Variants in PRAG1 observed in about 807,000 individuals in gnomAD.
PRAG1 encodes inactive tyrosine-protein kinase PRAG1.
A neutral mutation model predicts 95.6 loss-of-function variants in PRAG1; 110 were observed. The observed-to-expected ratio is 1.15, with a 90% CI of 0.99 to 1.35. PRAG1 has a LOEUF of 1.35. PRAG1 is among the 40% of genes most tolerant of loss of function. The probability of loss-of-function intolerance (pLI) is 0.00; values close to 1 mark genes in which losing one functional copy is unlikely to be tolerated. For synonymous variants in PRAG1, 1,052 were observed against 819.4 expected (o/e 1.28, Z -4.85); for missense variants, 2,554 against 1,864.7 (o/e 1.37, Z -6.81).
chr8:8,371,404 G>A (rs892836465), intron 3 of PRAG1, among the ~76,000 whole-genome samples: 1 of 151,838 alleles, frequency 6.6e-6, no homozygotes, highest in East Asian at 2.0e-4. Flanking sequence ...GGGACTACTG[G>A]CGCCCGCCAT....
At chr8:8,352,872 G>T (rs1304797233) in intron 3 of PRAG1, among the ~76,000 whole-genome samples, 1 of 152,144 alleles carries the variant, frequency 6.6e-6, no homozygotes, top group Non-Finnish European at 1.5e-5. Context: ...AGGGAAGGAA[G>T]AAGATATTCC....
intron 3 of PRAG1, among the ~76,000 whole-genome samples, chr8:8,373,921 A>G (rs577468898): frequency 6.6e-6 from 1 of 152,298 alleles, no homozygotes; most frequent in African/African-American, 2.4e-5. Flanking sequence ...TTAAAACCCT[A>G]CCTGAGTCAT....
chr8:8,332,038 C>T lies in PRAG1; in HGVS notation c.2321-3577G>A, dbSNP rs1022331821. ...GCTAGCACTGCATACCCAAACATTC[C>T]CTATCCACGCCCTTGCCCAGCAGAA... On this transcript the variant is annotated intron_variant, in intron 4 of 5. Coordinates refer to ENST00000615670, the MANE Select transcript of PRAG1 (RefSeq NM_001080826.3). Among the ~76,000 whole-genome samples, 17 of 152,172 alleles carry T rather than the reference C, an allele frequency of 1.1e-4. 1 individual carries two copies. Among genetic ancestry groups the T allele is most frequent in the South Asian group, 4.1e-4 (2 of 4,830 alleles).
At chr8:8,374,278 G>A (rs1410039527) in intron 3 of PRAG1, among the ~76,000 whole-genome samples, 2 of 152,290 alleles carry the variant, frequency 1.3e-5, no homozygotes, top group East Asian at 3.9e-4. Flanking sequence ...GCTTATACAA[G>A]GTCACTCCAT....
rs150203055 is a variant in PRAG1, at chr8:8,336,613, A to C, written c.2320+2865T>G. 9.6e-3 allele frequency among the ~76,000 whole-genome samples: 1,467 copies of C among 152,338 alleles called. 16 individuals carry two copies. The highest frequency in any genetic ancestry group is 0.011 in the Non-Finnish European group (758 of 68,032). The stretch of plus-strand genomic sequence containing the variant: ...TACAAAAGTGGCATTTTGCCACTGT[A>C]ACATTTAGAATAAGCACCTGTTTTA... On this transcript the variant is annotated intron_variant, in intron 4 of 5. Transcript: ENST00000615670.
intron 3 of PRAG1, among the ~76,000 whole-genome samples, chr8:8,372,499 T>G (rs1470765294): frequency 6.6e-6 from 1 of 152,212 alleles, no homozygotes; most frequent in East Asian, 1.9e-4. Flanking sequence ...AGTGTGACTT[T>G]GTGGGTATAA....
chr8:8,327,061 C>G (rs961946128), intron 5 of PRAG1, among the ~76,000 whole-genome samples: 1 of 152,170 alleles, frequency 6.6e-6, no homozygotes, highest in Admixed American at 6.5e-5. Flanking sequence ...TATATTCACA[C>G]CTACATACTC....
At chr8:8,381,204 G>A (rs1473028137) in intron 2 of PRAG1, among the ~76,000 whole-genome samples, 1 of 152,164 alleles carries the variant, frequency 6.6e-6, no homozygotes, top group South Asian at 2.1e-4. Context: ...AGGAAATTCT[G>A]GGGGACTGGA....
intron 3 of PRAG1, among the ~76,000 whole-genome samples, chr8:8,363,546 T>C (rs1470611513): frequency 6.6e-6 from 1 of 152,180 alleles, no homozygotes; most frequent in African/African-American, 2.4e-5. Context: ...TAATGGTGGT[T>C]CCCAGAGGCT....
intron 5 of PRAG1, among the ~76,000 whole-genome samples, chr8:8,320,409 C>A (rs554910306): frequency 6.6e-6 from 1 of 152,286 alleles, no homozygotes; most frequent in Non-Finnish European, 1.5e-5. Context: ...TCCTCCATTT[C>A]TTCTTGTACA....
intron 3 of PRAG1, 107 bp from the exon 4 acceptor site, chr8:8,339,742 A>G: frequency 1.8e-6 from 2 of 1,110,730 alleles, no homozygotes; most frequent in Non-Finnish European, 2.5e-6. Context: ...GGCCAATGTC[A>G]GCAAGTTTAT....
At position 8,318,491 on chromosome 8, in the gene PRAG1, A is replaced by C; in HGVS notation, c.3884T>G (p.Leu1295Arg). The C allele has an allele frequency of 6.2e-7, 1 of 1,612,442 alleles. No individual in the cohort carries two copies. The highest frequency in any genetic ancestry group is 1.1e-5 in the South Asian group (1 of 91,044). ...EDLPPLPALSLYSPGLQQLAH... is the reference protein window; with the variant it reads ...EDLPPLPALSRYSPGLQQLAH... ...CAGCTGCTGCAGGCCGGGTGAGTAG[A>C]GGGACAGCGCGGGCAGCGGCGGCAG... Residue 1295 changes from leucine to arginine, a missense_variant, in exon 6 of 6, where the codon CTC becomes CGC. Coordinates refer to ENST00000615670, the MANE Select transcript of PRAG1 (RefSeq NM_001080826.3). The surrounding 1 kb of genome is among the most constrained non-coding windows in gnomAD (Gnocchi z 4.2).
chr8:8,376,041 A>G (rs897805600), intron 3 of PRAG1, among the ~76,000 whole-genome samples: 2 of 152,146 alleles, frequency 1.3e-5, no homozygotes, highest in Non-Finnish European at 2.9e-5. Context: ...AGGGACCACA[A>G]GTAGGTTTGT....
chr8:8,346,012 A>G (rs1006675089), intron 3 of PRAG1, among the ~76,000 whole-genome samples: 4 of 152,218 alleles, frequency 2.6e-5, no homozygotes, highest in African/African-American at 9.6e-5. Flanking sequence ...CACTGTGTGT[A>G]AAATAGACTT....
At chr8:8,364,784 T>C (rs542566364) in intron 3 of PRAG1, among the ~76,000 whole-genome samples, 1 of 152,264 alleles carries the variant, frequency 6.6e-6, no homozygotes, top group Non-Finnish European at 1.5e-5. Context: ...GTCTTCAATA[T>C]TTAGCGATCA....
intron 3 of PRAG1, among the ~76,000 whole-genome samples, chr8:8,362,621 A>G (rs1799878357): frequency 6.6e-6 from 1 of 152,216 alleles, no homozygotes; most frequent in Admixed American, 6.5e-5. Context: ...AAACTGTTGG[A>G]AATAAATGCT....
rs765994600 is a variant in PRAG1 at position 8,328,073 on chromosome 8, G to C, written c.2709C>G (p.Gly903=). 1.2e-6 allele frequency: 2 copies of C among 1,603,674 alleles called. No homozygotes were observed. Among genetic ancestry groups the C allele is most frequent in the Non-Finnish European group, 1.7e-6 (2 of 1,173,692 alleles). Residue 903 remains glycine, a synonymous_variant, in exon 5 of 6, where the codon GGC becomes GGG. Coordinates refer to ENST00000615670, the MANE Select transcript of PRAG1 (RefSeq NM_001080826.3). ...LPAAGLAGNR[G]GCGSPGLQCK... is the part of the protein sequence containing the mutation. ...ACTGGAGGCCAGGGCTCCCGCAGCC[G>C]CCTCTGTTGCCCGCCAGCCCTGCTG...
At chr8:8,366,542 G>A (rs971929270) in intron 3 of PRAG1, among the ~76,000 whole-genome samples, 1 of 152,084 alleles carries the variant, frequency 6.6e-6, no homozygotes, top group Non-Finnish European at 1.5e-5. Flanking sequence ...TTGAACTCCT[G>A]ACCTCAGATG....
At chr8:8,335,548 A>T (rs1008136687) in intron 4 of PRAG1, among the ~76,000 whole-genome samples, 29 of 121,950 alleles carry the variant, frequency 2.4e-4, no homozygotes, top group African/African-American at 6.4e-4. Flanking sequence ...GAATTTTTAT[A>T]AAAAAAAAGT....
Sources: allele counts gnomAD v4.1 joint callset (sites outside exome capture counted in the v4.1 genomes callset), GRCh38; gene constraint gnomAD v4.1.1; non-coding constraint Gnocchi (gnomAD v3.1); transcripts MANE v1.5; gene names NCBI Gene and HGNC (gene_info 2026-07-23, HGNC 2026-07-21).